The following PASK variants were observed in gnomAD, a reference collection of about 807,000 sequenced individuals.
The protein encoded by PASK is PAS domain-containing serine/threonine-protein kinase.
In PASK, 110 loss-of-function variants were observed where a neutral mutation model predicts 121.0. The observed-to-expected ratio is 0.91, with a 90% CI of 0.78 to 1.06. PASK has a LOEUF of 1.06. Among genes scored for constraint, PASK ranks in the 50% least tolerant of loss-of-function variants. The pLI, the probability that PASK is intolerant of heterozygous loss-of-function variation, is 0.00. For synonymous variants in PASK, 686 were observed against 717.8 expected, an observed-to-expected ratio of 0.96 and a Z score of 0.71; for missense variants, 1,643 against 1,702.3, an observed-to-expected ratio of 0.97 and a Z score of 0.61.
intron 1 of PASK, among the ~76,000 whole-genome samples, chr2:241,146,467 C>T (rs1169748263): frequency 1.3e-5 from 2 of 151,620 alleles, no homozygotes; most frequent in Non-Finnish European, 2.9e-5. Flanking sequence ...GGAGGGAGTG[C>T]GGGAGAGAGG....
upstream of PASK, chr2:241,149,659 G>A: frequency 6.5e-7 from 1 of 1,543,532 alleles, no homozygotes; most frequent in Non-Finnish European, 8.7e-7. Flanking sequence ...GGGCGCCTCC[G>A]CCCCCGGGCC....
At chr2:241,125,155 G>A (rs2065795976) in intron 10 of PASK, among the ~76,000 whole-genome samples, 1 of 151,964 alleles carries the variant, frequency 6.6e-6, no homozygotes, top group South Asian at 2.1e-4. Flanking sequence ...AAAAAAATTA[G>A]CTGGGTGTGG....
intron 9 of PASK, among the ~76,000 whole-genome samples, chr2:241,132,053 A>AAG: frequency 2.2e-5 from 1 of 44,530 alleles, no homozygotes; most frequent in African/African-American, 6.3e-5. Flanking sequence ...ACTCCATCTC[A>AAG]AAAAAAAAAA....
chr2:241,147,200 G>C lies in PASK; in HGVS notation c.-43+2214C>G, dbSNP rs528895946. Among the ~76,000 whole-genome samples, 84 of 152,188 alleles carry C rather than the reference G, an allele frequency of 5.5e-4. 1 individual carries two copies. The highest frequency in any genetic ancestry group is 1.9e-3 in the African/African-American group (80 of 41,504). The stretch of plus-strand genomic sequence containing the variant: ...AGAACCAACCTATAGACAAAGCTCA[G>C]GACACTTAATTATAGCTTCAGAATA... On this transcript the variant is annotated intron_variant, in intron 1 of 17. Transcript: ENST00000234040.
chr2:241,132,463 A>C (rs2066196879), intron 9 of PASK, among the ~76,000 whole-genome samples: 1 of 79,662 alleles, frequency 1.3e-5, no homozygotes, highest in Non-Finnish European at 3.2e-5. Context: ...CTTGCAATGC[A>C]ATGAGCAATG....
intron 17 of PASK, 50 bp downstream of exon 17, chr2:241,107,303 G>A (rs566395613): frequency 4.0e-5 from 63 of 1,563,150 alleles, no homozygotes; most frequent in African/African-American, 1.8e-4. Context: ...TGGGGACCTC[G>A]TTATTCCAAG....
chr2:241,114,867 T>C, intron 14 of PASK, 176 bp downstream of exon 14: 1 of 1,513,552 alleles, frequency 6.6e-7, no homozygotes, highest in Non-Finnish European at 8.8e-7. Context: ...TCACTTTCTC[T>C]ACTTCAATCA....
chr2:241,147,221 G>A (rs1296851955), intron 1 of PASK, among the ~76,000 whole-genome samples: 1 of 152,156 alleles, frequency 6.6e-6, no homozygotes, highest in Non-Finnish European at 1.5e-5. Flanking sequence ...TATAGCTTCA[G>A]AATACATTGT....
rs1248145772 is a variant in PASK at position 241,106,606 on chromosome 2, C to A, written c.3932G>T (p.Gly1311Val). The A allele has an allele frequency of 6.2e-7, 1 of 1,614,234 alleles. No individual in the cohort carries two copies. Among genetic ancestry groups the A allele is most frequent in the Non-Finnish European group, 8.5e-7 (1 of 1,180,044 alleles). ...ACGGGGATCCCCGGGATGCAAACAG[C>A]CTTGGCCATTAGGAGCCTCGCCTGG... Reference protein sequence around the residue: ...PVPGEAPNGQGCLHPGDPRLL... With the variant: ...PVPGEAPNGQVCLHPGDPRLL... The change falls in exon 18 of 18, where the codon GGC (glycine) becomes GTC (valine). Residue 1311 changes from glycine (G) to valine (V), a missense_variant. By Grantham distance (109) the Gly-to-Val change is moderately radical (BLOSUM62 -3). Transcript: ENST00000234040.
chr2:241,133,249 C>G, intron 8 of PASK: 1 of 614,078 alleles, frequency 1.6e-6, no homozygotes. Context: ...TACCATGATC[C>G]TATTAACACC....
At chr2:241,106,785 C>T in intron 17 of PASK, 62 bp from the exon 18 acceptor site, 1 of 1,539,034 alleles carries the variant, frequency 6.5e-7, no homozygotes, top group Non-Finnish European at 9.0e-7. Context: ...AAATACTTTG[C>T]TTCTCACTTG....
intron 17 of PASK, 128 bp downstream of exon 17, chr2:241,107,225 A>C (rs1392628080): frequency 2.3e-6 from 2 of 866,798 alleles, no homozygotes; most frequent in Non-Finnish European, 4.0e-6. Flanking sequence ...ATAGGCCCTG[A>C]CATTTGTGTC....
intron 2 of PASK, among the ~76,000 whole-genome samples, chr2:241,141,483 G>C (rs920642206): frequency 2.6e-5 from 4 of 151,940 alleles, no homozygotes; most frequent in Non-Finnish European, 5.9e-5. Flanking sequence ...CCTCAGCCCC[G>C]TCATTCCTCA....
chr2:241,120,881 G>C (rs7580558), intron 12 of PASK, among the ~76,000 whole-genome samples: 1 of 152,088 alleles, frequency 6.6e-6, no homozygotes, highest in East Asian at 1.9e-4. Context: ...ATTGTTCATA[G>C]AAGCATTATT....
At position 241,126,868 on chromosome 2, in the gene PASK, C is replaced by G. The variant is rs773268908; in HGVS notation, c.2047G>C (p.Val683Leu). 1 of 1,612,812 alleles carries G rather than the reference C, an allele frequency of 6.2e-7. No homozygotes were observed. The highest frequency in any genetic ancestry group is 1.1e-5 in the South Asian group (1 of 91,054). The part of the protein sequence containing the change: ...GALDVPHAEL[V>L]PTECQAVTAP... ...GTGACAGCCTGGCACTCTGTCGGAA[C>G]GAGTTCGGCGTGGGGGACATCCAGG... Residue 683 changes from valine (V) to leucine (L), a missense_variant, in exon 10 of 18, where the codon GTT becomes CTT. This residue lies in a region of PASK where 1,176 missense variants were observed against 1,162.2 expected (regional missense o/e 1.01). Transcript: ENST00000234040.
Position 241,122,914 on chromosome 2 carries a change from A to G in PASK, c.2905-15T>C, listed in dbSNP as rs552192263. The G allele has an allele frequency of 1.4e-5, 23 of 1,613,224 alleles. No individual in the cohort carries two copies. The highest frequency in any genetic ancestry group is 1.7e-4 in the Middle Eastern group (1 of 6,052). On this transcript the variant is annotated splice_polypyrimidine_tract_variant and intron_variant, in intron 11 of 17. Coordinates refer to ENST00000234040, the MANE Select transcript of PASK (RefSeq NM_015148.4). The stretch of plus-strand genomic sequence containing the variant: ...GCTCTGAGCACCTGCAATGCAGAAG[A>G]AGGTCTGTGGGGTCACATGCAACTG...
rs1198377359 is a variant in PASK, at chr2:241,135,894, T to C, written c.1283A>G (p.Gln428Arg). The change falls in exon 8 of 18, where the codon CAG becomes CGG. Residue 428 changes from glutamine to arginine, a missense_variant. By Grantham distance (43) the Gln-to-Arg change is conservative (BLOSUM62 1). Transcript: ENST00000234040. ...ACCCTGGCCCCCCTCAGCTGGGTCC[T>C]GGCCCTGCCACGGGTCCAAGGTTCT... The part of the protein sequence containing the change: ...GERTLDPWQG[Q>R]DPAEGGQDPR... 8 of 1,614,172 alleles carry C rather than the reference T, an allele frequency of 5.0e-6. No individual in the cohort carries two copies. In the Admixed American group the frequency reaches 1.3e-4, roughly 27 times the overall value.
rs1417131108 is a variant in PASK at position 241,139,927 on chromosome 2, G to A, written c.558C>T (p.His186=). The part of the protein sequence containing the change: ...SDVVEALSEE[H]MEADGHAAVV... ...CCGCAGCGTGGCCGTCGGCCTCCAT[G>A]TGCTCCTCGCTGAGGGCCTCCACCA... The change falls in exon 4 of 18, where the codon CAC becomes CAT. Residue 186 remains histidine, a synonymous_variant. Transcript: ENST00000234040. 1.2e-6 allele frequency: 2 copies of A among 1,614,086 alleles called. No individual in the cohort carries two copies. The highest frequency in any genetic ancestry group is 1.7e-5 in the Admixed American group (1 of 60,014).
chr2:241,120,492 C>CAAAAAAAAAAAAAAAAAAAAAAAAAA (rs568145375), intron 12 of PASK, among the ~76,000 whole-genome samples: 4 of 139,936 alleles, frequency 2.9e-5, no homozygotes, highest in East Asian at 5.4e-4. Context: ...GACTCTGTCT[C>CAAAAAAAAAAAAAAAAAAAAAAAAAA]AAAAGAAAAA....
Sources: allele counts gnomAD v4.1 joint callset (sites outside exome capture counted in the v4.1 genomes callset), GRCh38; gene constraint gnomAD v4.1.1; regional missense constraint gnomAD v4.1.1; transcripts MANE v1.5; gene names NCBI Gene and HGNC (gene_info 2026-07-23, HGNC 2026-07-21).